The following SHCBP1 variants were observed in gnomAD, a reference collection of about 807,000 sequenced individuals.
The protein encoded by SHCBP1 is SHC SH2 domain-binding protein 1.
SHCBP1 carries 60 observed loss-of-function variants against 75.1 expected under a neutral mutation model. That is an observed-to-expected ratio of 0.80 (90% confidence interval 0.65 to 0.99). The LOEUF (loss-of-function observed/expected upper bound fraction) is 0.99. Ranked by LOEUF, SHCBP1 falls within the 50% of genes least tolerant of loss-of-function variation. SHCBP1 has a pLI of 0.00. For missense variants in SHCBP1, 709 were observed against 809.4 expected, an observed-to-expected ratio of 0.88 and a Z score of 1.50; for synonymous variants, 290 against 293.2, an observed-to-expected ratio of 0.99 and a Z score of 0.11.
Position 46,583,619 on chromosome 16 carries a change from G to T in SHCBP1, c.1590C>A (p.Ser530=), listed in dbSNP as rs1295474044. The stretch of plus-strand genomic sequence containing the variant: ...TATTATGTATTATATTATTCACCAT[G>T]GATATCTTGGGAATGTCATAATGTT... ...LDEHYDIPKI[S]MVNNIIHNNE... is the part of the protein sequence containing the mutation. The change falls in exon 12 of 13, where the codon TCC becomes TCA. Residue 530 remains serine, a synonymous_variant. Transcript: ENST00000303383. The T allele has an allele frequency of 6.2e-7, 1 of 1,606,124 alleles. No individual in the cohort carries two copies. The highest frequency in any genetic ancestry group is 8.5e-7 in the Non-Finnish European group (1 of 1,178,288).
chr16:46,581,604 T>C lies in SHCBP1; in HGVS notation c.*125A>G. The C allele has an allele frequency of 1.1e-6, 1 of 885,272 alleles. No homozygotes were observed. The highest frequency in any genetic ancestry group is 1.7e-5 in the African/African-American group (1 of 59,196). The allele number at this position is 885,272 out of a possible 1,614,324, so 54.8% of individuals were successfully genotyped here. On this transcript the variant is annotated 3_prime_UTR_variant, in exon 13 of 13. Coordinates refer to ENST00000303383, the MANE Select transcript of SHCBP1 (RefSeq NM_024745.5). ...ACCTGCAAATGGAAATAAATCTACC[T>C]TTCACTCAAGCCCAAATAATCAAAT...
chr16:46,614,399 G>A, intron 4 of SHCBP1, among the ~76,000 whole-genome samples: 1 of 152,156 alleles, frequency 6.6e-6, no homozygotes, highest in Non-Finnish European at 1.5e-5. Flanking sequence ...AGTTCCTGAA[G>A]GAATATGGGT....
intron 8 of SHCBP1, among the ~76,000 whole-genome samples, chr16:46,601,533 A>G (rs1965236523): frequency 6.6e-6 from 1 of 152,190 alleles, no homozygotes; most frequent in South Asian, 2.1e-4. Context: ...ACTGTTTTTA[A>G]CAAGCAAAGC....
chr16:46,589,870 T>G (rs1965014738), intron 10 of SHCBP1, among the ~76,000 whole-genome samples: 2 of 152,200 alleles, frequency 1.3e-5, no homozygotes. Flanking sequence ...AAGACAATCC[T>G]AAGCCAAAAG....
At position 46,599,820 on chromosome 16, in the gene SHCBP1, C is replaced by A; in HGVS notation, c.1345+11G>T. ...TAGAACAAATGATATACCAAACATTCAGATACTTACTTAAGATTCCCTCTA... is the reference window on the plus strand; with the variant it reads ...TAGAACAAATGATATACCAAACATTAAGATACTTACTTAAGATTCCCTCTA... On this transcript the variant is annotated intron_variant, in intron 9 of 12. Coordinates refer to ENST00000303383, the MANE Select transcript of SHCBP1 (RefSeq NM_024745.5). The A allele has an allele frequency of 6.3e-7, 1 of 1,592,648 alleles. No individual in the cohort carries two copies.
intron 4 of SHCBP1, among the ~76,000 whole-genome samples, chr16:46,615,241 T>C (rs990829445): frequency 2.0e-5 from 3 of 152,356 alleles, no homozygotes; most frequent in Admixed American, 1.3e-4. Context: ...TAATCAACTA[T>C]TTATGTTAAT....
Position 46,581,820 on chromosome 16 carries a change from T to C in SHCBP1, c.1928A>G (p.Asp643Gly). Reference protein sequence around the residue: ...LSELGITQADDNLMSQEMFVG... With the variant: ...LSELGITQADGNLMSQEMFVG... ...AAACATCTCCTGTGACATTAAGTTG[T>C]CATCAGCTTGCGTGATCCCCAGTTC... Residue 643 changes from aspartate (D) to glycine (G), a missense_variant, in exon 13 of 13, where the codon GAC becomes GGC. Asp to Gly is a moderately conservative substitution (Grantham distance 94). Transcript: ENST00000303383. 6.2e-7 allele frequency: 1 copy of C among 1,614,198 alleles called. No homozygotes were observed. The highest frequency in any genetic ancestry group is 8.5e-7 in the Non-Finnish European group (1 of 1,180,026).
rs1298508955 is a variant in SHCBP1 at position 46,621,344 on chromosome 16, G to C, written c.16C>G (p.Leu6Val). The C allele has an allele frequency of 6.2e-7, 1 of 1,611,166 alleles. No homozygotes were observed. The highest frequency in any genetic ancestry group is 8.5e-7 in the Non-Finnish European group (1 of 1,179,120). The change falls in exon 1 of 13, where the codon CTG becomes GTG. Residue 6 changes from leucine to valine, a missense_variant. Coordinates refer to ENST00000303383, the MANE Select transcript of SHCBP1 (RefSeq NM_024745.5). MADGS[L>V]TGGGLEAAAM... ...GCTGCCTCCAGACCGCCGCCCGTCAGCGACCCGTCAGCCATTTCAAATTTC... is the reference window on the plus strand; with the variant it reads ...GCTGCCTCCAGACCGCCGCCCGTCACCGACCCGTCAGCCATTTCAAATTTC...
chr16:46,601,665 A>G (rs1457277641), intron 8 of SHCBP1, among the ~76,000 whole-genome samples: 1 of 152,194 alleles, frequency 6.6e-6, no homozygotes, highest in African/African-American at 2.4e-5. Flanking sequence ...ATTATGAGTG[A>G]TTTTGTTTCT....
intron 8 of SHCBP1, 106 bp downstream of exon 8, chr16:46,603,433 C>A: frequency 6.6e-7 from 1 of 1,504,522 alleles, no homozygotes; most frequent in South Asian, 1.2e-5. Context: ...CACTAGAAAT[C>A]AAATGGGTTC....
At chr16:46,597,072 T>G (rs1280514410) in intron 9 of SHCBP1, among the ~76,000 whole-genome samples, 3 of 152,144 alleles carry the variant, frequency 2.0e-5, no homozygotes, top group Non-Finnish European at 2.9e-5. Context: ...TCCAGAGATA[T>G]TGCAGGTTGA....
intron 11 of SHCBP1, 46 bp downstream of exon 11, chr16:46,583,957 A>G: frequency 6.7e-7 from 1 of 1,497,580 alleles, no homozygotes; most frequent in Middle Eastern, 1.7e-4. Flanking sequence ...TTTGTAGGTA[A>G]AACCATTCTA....
In SHCBP1 at chr16:46,579,724, CA is replaced by C. The variant is rs1381613610; in HGVS notation, c.*2004del. Among the ~76,000 whole-genome samples the C allele has an allele frequency of 3.3e-5, 5 of 152,192 alleles. No homozygotes were observed. The highest frequency in any genetic ancestry group is 1.2e-4 in the African/African-American group (5 of 41,538). On this transcript the variant is annotated 3_prime_UTR_variant, in exon 13 of 13. Coordinates refer to ENST00000303383, the MANE Select transcript of SHCBP1 (RefSeq NM_024745.5). Reference sequence around the variant, plus strand: ...CCAAGGTGGGTGGATCACTTGAGGTCAGGAGTTTGAGACCAGCCTGGCCAAC... The same window carrying C: ...CCAAGGTGGGTGGATCACTTGAGGTCGGAGTTTGAGACCAGCCTGGCCAAC...
At chr16:46,607,166 C>T (rs1219814755) in intron 5 of SHCBP1, among the ~76,000 whole-genome samples, 1 of 152,040 alleles carries the variant, frequency 6.6e-6, no homozygotes, top group Non-Finnish European at 1.5e-5. Context: ...ACCAGCCTGG[C>T]CAACATGGTG....
At chr16:46,617,785 G>A (rs1342955648) in intron 2 of SHCBP1, 36 bp from the exon 3 acceptor site, 5 of 1,475,770 alleles carry the variant, frequency 3.4e-6, no homozygotes, top group Admixed American at 3.4e-5. Flanking sequence ...AATTGAGAAT[G>A]CATAAAGCAG....
intron 4 of SHCBP1, 40 bp from the exon 5 acceptor site, chr16:46,608,429 C>T (rs1195134646): frequency 7.2e-6 from 10 of 1,389,196 alleles, no homozygotes; most frequent in Admixed American, 6.8e-5. Context: ...CTATCACTGG[C>T]TCAAAACATT....
chr16:46,602,279 C>T (rs1449100220), intron 8 of SHCBP1, among the ~76,000 whole-genome samples: 1 of 151,948 alleles, frequency 6.6e-6, no homozygotes, highest in Non-Finnish European at 1.5e-5. Flanking sequence ...TATTATACAT[C>T]AAAAATTGGA....
Position 46,581,607 on chromosome 16 carries a change from C to T in SHCBP1, c.*122G>A. ...TGCAAATGGAAATAAATCTACCTTT[C>T]ACTCAAGCCCAAATAATCAAATATA... On this transcript the variant is annotated 3_prime_UTR_variant, in exon 13 of 13. Coordinates refer to ENST00000303383, the MANE Select transcript of SHCBP1 (RefSeq NM_024745.5). 1.1e-6 allele frequency: 1 copy of T among 894,280 alleles called. No homozygotes were observed. Among genetic ancestry groups the T allele is most frequent in the South Asian group, 1.8e-5 (1 of 55,782 alleles). The allele number at this position is 894,280 out of a possible 1,614,324, so 55.4% of individuals were successfully genotyped here. A position where few individuals can be genotyped will look rare whatever the true frequency, so the allele number is the denominator to read the frequency against.
intron 12 of SHCBP1, among the ~76,000 whole-genome samples, chr16:46,583,037 T>G (rs991563938): frequency 2.6e-5 from 4 of 152,080 alleles, no homozygotes; most frequent in Admixed American, 1.3e-4. Flanking sequence ...GGCATTTACT[T>G]CTACCAATAA....
Sources: gnomAD v4.1 joint callset for allele counts (sites outside exome capture counted in the v4.1 genomes callset) on GRCh38, gnomAD v4.1.1 for gene constraint, MANE v1.5 for transcripts, NCBI Gene and HGNC (gene_info 2026-07-23, HGNC 2026-07-21) for gene names.